The following PDE6C variants were observed in gnomAD, a reference collection of about 807,000 sequenced individuals.
PDE6C encodes cone cGMP-specific 3',5'-cyclic phosphodiesterase subunit alpha'.
PDE6C carries 75 observed loss-of-function variants against 113.1 expected under a neutral mutation model. The observed-to-expected ratio is 0.66, with a 90% CI of 0.55 to 0.80. The LOEUF (loss-of-function observed/expected upper bound fraction) is 0.80, where lower values mean the gene tolerates loss of function less well. Ranked by LOEUF, PDE6C falls within the 30% of genes least tolerant of loss-of-function variation. The pLI, the probability that PDE6C is intolerant of heterozygous loss-of-function variation, is 0.00. For synonymous variants in PDE6C, 375 were observed against 363.7 expected, an observed-to-expected ratio of 1.03 and a Z score of -0.35; for missense variants, 912 against 1,038.6, an observed-to-expected ratio of 0.88 and a Z score of 1.67.
At chr10:93,640,843 A>G in intron 13 of PDE6C, 77 bp from the exon 14 acceptor site, 6 of 952,776 alleles carry the variant, frequency 6.3e-6, no homozygotes, top group Non-Finnish European at 8.4e-6. Flanking sequence ...CCTATTCTCT[A>G]TTGCAGGCTG....
intron 1 of PDE6C, 98 bp from the exon 2 acceptor site, chr10:93,620,534 G>T (rs1419890522): frequency 9.6e-6 from 12 of 1,251,780 alleles, no homozygotes; most frequent in Non-Finnish European, 1.3e-5. Context: ...TTATCTGTTG[G>T]TAGCATTTAA....
At chr10:93,627,506 C>T (rs1196218088) in intron 7 of PDE6C, among the ~76,000 whole-genome samples, 1 of 152,052 alleles carries the variant, frequency 6.6e-6, no homozygotes, top group Non-Finnish European at 1.5e-5. Flanking sequence ...ATCTCAAGTA[C>T]ATCAGTCAAT....
At chr10:93,655,728 A>G (rs1456825032) in intron 15 of PDE6C, 32 bp from the exon 16 acceptor site, 1 of 1,074,450 alleles carries the variant, frequency 9.3e-7, no homozygotes, top group Admixed American at 1.7e-5. Context: ...CAAATTATTG[A>G]TAGCATTTTA....
intron 1 of PDE6C, among the ~76,000 whole-genome samples, chr10:93,619,695 G>T (rs1035809526): frequency 6.6e-6 from 1 of 152,112 alleles, no homozygotes; most frequent in African/African-American, 2.4e-5. Context: ...CAAAGTGCTG[G>T]GATTACAGGC....
chr10:93,632,104 C>T (rs2058504605), intron 8 of PDE6C, among the ~76,000 whole-genome samples: 1 of 152,192 alleles, frequency 6.6e-6, no homozygotes, highest in Non-Finnish European at 1.5e-5. Flanking sequence ...GAGCCAGCAG[C>T]ACCATCACTC....
At chr10:93,657,089 G>GC (rs1239177457) in intron 16 of PDE6C, among the ~76,000 whole-genome samples, 1 of 151,866 alleles carries the variant, frequency 6.6e-6, no homozygotes, top group Non-Finnish European at 1.5e-5. Flanking sequence ...AGATATCACC[G>GC]TCTGACGTTG....
chr10:93,620,120 G>A (rs1038341859), intron 1 of PDE6C, among the ~76,000 whole-genome samples: 3 of 152,132 alleles, frequency 2.0e-5, no homozygotes, highest in Non-Finnish European at 2.9e-5. Flanking sequence ...CAGTTAGCAC[G>A]GATTTCTTCT....
At chr10:93,638,550 G>A (rs2058544666) in intron 11 of PDE6C, among the ~76,000 whole-genome samples, 1 of 152,152 alleles carries the variant, frequency 6.6e-6, no homozygotes, top group Admixed American at 6.5e-5. Context: ...AAAGGAAGAA[G>A]GATCTTATGT....
Position 93,622,079 on chromosome 10 carries a change from A to G in PDE6C, c.864+7A>G. ...GGACATGACCAAGGAGAAGGTTCTTATTATTCTACACATTTTGTCTCATCT... is the reference window on the plus strand; with the variant it reads ...GGACATGACCAAGGAGAAGGTTCTTGTTATTCTACACATTTTGTCTCATCT... On this transcript the variant is annotated splice_region_variant and intron_variant, in intron 4 of 21. Coordinates refer to ENST00000371447, the MANE Select transcript of PDE6C (RefSeq NM_006204.4). 6.2e-7 allele frequency: 1 copy of G among 1,613,468 alleles called. No homozygotes were observed. The highest frequency in any genetic ancestry group is 8.5e-7 in the Non-Finnish European group (1 of 1,179,782).
chr10:93,619,503 T>C (rs2058435204), intron 1 of PDE6C, among the ~76,000 whole-genome samples: 2 of 152,222 alleles, frequency 1.3e-5, no homozygotes, highest in Non-Finnish European at 2.9e-5. Context: ...CTTGGCTTAC[T>C]GCAACCTCTG....
chr10:93,649,538 A>AT (rs1242496230), intron 15 of PDE6C, among the ~76,000 whole-genome samples: 1 of 152,122 alleles, frequency 6.6e-6, no homozygotes, highest in Non-Finnish European at 1.5e-5. Context: ...TACCCAAGCT[A>AT]TTTTTTTAAG....
Position 93,635,581 on chromosome 10 carries a change from G to C in PDE6C, c.1354G>C (p.Ala452Pro), listed in dbSNP as rs2058524701. 6.2e-7 allele frequency: 1 copy of C among 1,613,700 alleles called. No individual in the cohort carries two copies. Among genetic ancestry groups the C allele is most frequent in the Non-Finnish European group, 8.5e-7 (1 of 1,179,736 alleles). The change falls in exon 10 of 22, where the codon GCT becomes CCT. Residue 452 changes from alanine to proline, a missense_variant. Ala to Pro is a conservative substitution (Grantham distance 27, BLOSUM62 -1). Transcript: ENST00000371447. ...MNKLENRKDI[A>P]QEMLMNQTKA... The stretch of plus-strand genomic sequence containing the variant: ...TAAGCTAGAAAACAGAAAGGACATT[G>C]CTCAGGAAATGCTCATGAACCAAAC...
At chr10:93,653,480 T>G (rs1006564527) in intron 15 of PDE6C, among the ~76,000 whole-genome samples, 2 of 151,784 alleles carry the variant, frequency 1.3e-5, no homozygotes, top group African/African-American at 4.8e-5. Context: ...CCATCTCTAC[T>G]AAAAAATACA....
At chr10:93,614,384 T>C (rs1322726152) in intron 1 of PDE6C, among the ~76,000 whole-genome samples, 1 of 152,182 alleles carries the variant, frequency 6.6e-6, no homozygotes, top group African/African-American at 2.4e-5. Flanking sequence ...TGGGGCCTGG[T>C]AGGGCTTCAG....
rs1464388983 is a variant in PDE6C, at chr10:93,646,039, C to A, written c.1927C>A (p.Gln643Lys). ...CCTGGAGTACAGTAAGACTCTGTTGCAGGATGAGGTACGTAAACCTCTCTT... is the reference window on the plus strand; with the variant it reads ...CCTGGAGTACAGTAAGACTCTGTTGAAGGATGAGGTACGTAAACCTCTCTT... The part of the protein sequence containing the change: ...HHLEYSKTLL[Q>K]DESLNIFQNL... The change falls in exon 15 of 22, where the codon CAG becomes AAG. Residue 643 changes from glutamine to lysine, a missense_variant. Physicochemically the swap from Gln to Lys is moderately conservative, Grantham distance 53. Transcript: ENST00000371447. 1 of 1,576,226 alleles carries A rather than the reference C, an allele frequency of 6.3e-7. No individual in the cohort carries two copies.
intron 21 of PDE6C, among the ~76,000 whole-genome samples, chr10:93,665,020 C>T (rs1182705642): frequency 6.6e-6 from 1 of 152,112 alleles, no homozygotes; most frequent in Non-Finnish European, 1.5e-5. Flanking sequence ...AGGCACATGC[C>T]ACCACACTCA....
At chr10:93,616,685 C>T (rs1259477825) in intron 1 of PDE6C, among the ~76,000 whole-genome samples, 2 of 130,202 alleles carry the variant, frequency 1.5e-5, no homozygotes, top group Admixed American at 8.6e-5. Context: ...GACGGAGTCT[C>T]GCTCTGTCAC....
intron 7 of PDE6C, among the ~76,000 whole-genome samples, chr10:93,628,859 C>G (rs897214691): frequency 1.3e-5 from 2 of 152,134 alleles, no homozygotes; most frequent in Non-Finnish European, 2.9e-5. Context: ...CATCTTCTAA[C>G]CCAAATCTCA....
chr10:93,626,199 T>C (rs538398863), intron 5 of PDE6C, among the ~76,000 whole-genome samples: 22 of 152,270 alleles, frequency 1.4e-4, no homozygotes, highest in African/African-American at 5.3e-4. Context: ...TTCAGATAAG[T>C]CACTGATGAA....
Sources: allele counts gnomAD v4.1 joint callset (sites outside exome capture counted in the v4.1 genomes callset), GRCh38; gene constraint gnomAD v4.1.1; transcripts MANE v1.5; gene names NCBI Gene and HGNC (gene_info 2026-07-23, HGNC 2026-07-21).